NIBAN1: variants seen among roughly 807,000 people sequenced by gnomAD.
NIBAN1 encodes the protein niban apoptosis regulator 1, also known as protein Niban 1.
Under a neutral mutation model 75.1 loss-of-function variants are expected in NIBAN1, and 81 were observed. The ratio of observed to expected loss-of-function variants is 1.08; its 90% CI spans 0.90 to 1.30. The LOEUF is 1.30. NIBAN1 is among the 50% of genes most tolerant of loss of function. The pLI, the probability that NIBAN1 is intolerant of heterozygous loss-of-function variation, is 0.00. For missense variants in NIBAN1, 1,133 were observed against 1,128.1 expected (o/e 1.00, Z -0.06); for synonymous variants, 436 against 424.8 (o/e 1.03, Z -0.32).
chr1:184,806,631 C>A (rs1654205520), intron 10 of NIBAN1, among the ~76,000 whole-genome samples: 1 of 152,094 alleles, frequency 6.6e-6, no homozygotes, highest in African/African-American at 2.4e-5. Flanking sequence ...GTTCCTCGTT[C>A]CTCTTTCATC....
intron 1 of NIBAN1, among the ~76,000 whole-genome samples, chr1:184,910,404 C>CTATT (rs1480945126): frequency 6.6e-6 from 1 of 152,048 alleles, no homozygotes; most frequent in Non-Finnish European, 1.5e-5. Flanking sequence ...CAATGCTCTC[C>CTATT]TATTTTCAGA....
intron 12 of NIBAN1, among the ~76,000 whole-genome samples, chr1:184,802,012 C>T (rs2102186805): frequency 6.6e-6 from 1 of 152,266 alleles, no homozygotes; most frequent in South Asian, 2.1e-4. Context: ...GTTCCCCAGA[C>T]AATTCTAATA....
chr1:184,806,039 C>T lies in NIBAN1; in HGVS notation c.1353G>A (p.Val451=). The T allele has an allele frequency of 6.2e-7, 1 of 1,614,020 alleles. No individual in the cohort carries two copies. Among genetic ancestry groups the T allele is most frequent in the Non-Finnish European group, 8.5e-7 (1 of 1,179,956 alleles). ...GGGAAAGCAACTGCTCAAAAGTGAA[C>T]ACTGCATTCTCCATTAGCTAGAAAC... is the stretch of plus-strand genomic sequence containing the variant. ...NYMQELMENA[V]FTFEQLLSPH... The change falls in exon 11 of 14, where the codon GTG becomes GTA. Residue 451 remains valine (V), a synonymous_variant. Coordinates refer to ENST00000367511, the MANE Select transcript of NIBAN1 (RefSeq NM_052966.4).
intron 1 of NIBAN1, among the ~76,000 whole-genome samples, chr1:184,973,994 T>C (rs1380068657): frequency 6.6e-6 from 1 of 152,160 alleles, no homozygotes; most frequent in East Asian, 1.9e-4. Flanking sequence ...GGGCAGGTAC[T>C]GGAGGGCGAA....
chr1:184,961,388 C>T (rs1571607876), intron 1 of NIBAN1, among the ~76,000 whole-genome samples: 7 of 152,068 alleles, frequency 4.6e-5, no homozygotes, highest in South Asian at 4.1e-4. Context: ...TTCTTTCTAA[C>T]CAAAATATAC....
chr1:184,970,151 CAG>C (rs981817817), intron 1 of NIBAN1, among the ~76,000 whole-genome samples: 2 of 125,544 alleles, frequency 1.6e-5, no homozygotes, highest in Non-Finnish European at 3.2e-5. Context: ...GTCTGGGTGA[CAG>C]AGTGAGACCC....
chr1:184,867,917 C>T, intron 5 of NIBAN1: 8 of 985,420 alleles, frequency 8.1e-6, no homozygotes, highest in Non-Finnish European at 9.6e-6. Context: ...CTTAAAGTGT[C>T]CCGTGTCACA....
chr1:184,838,020 C>A lies in NIBAN1; in HGVS notation c.602-6058G>T, dbSNP rs147463427. Among the ~76,000 whole-genome samples the A allele has an allele frequency of 1.9e-3, 286 of 152,218 alleles. 1 individual carries two copies. Among genetic ancestry groups the A allele is most frequent in the African/African-American group, 6.6e-3 (276 of 41,548 alleles). On this transcript the variant is annotated intron_variant, in intron 5 of 13. Transcript: ENST00000367511. ...TGAATACAATAGACTAGGTATTGTC[C>A]GACTGGTGCAAATTATACCAAGTCA... is the stretch of plus-strand genomic sequence containing the variant.
intron 13 of NIBAN1, among the ~76,000 whole-genome samples, chr1:184,797,333 A>C (rs1431595847): frequency 6.6e-6 from 1 of 151,382 alleles, no homozygotes; most frequent in Non-Finnish European, 1.5e-5. Flanking sequence ...GTAGAGATGG[A>C]GTTTCACCAT....
chr1:184,873,483 C>T (rs1394344975), intron 5 of NIBAN1, among the ~76,000 whole-genome samples: 5 of 152,148 alleles, frequency 3.3e-5, no homozygotes, highest in Non-Finnish European at 5.9e-5. Flanking sequence ...GAGAAACGTG[C>T]CCTCCTGGTA....
At chr1:184,887,597 A>C (rs1656560232) in intron 4 of NIBAN1, 1 of 152,152 alleles carries the variant, frequency 6.6e-6, no homozygotes, top group African/African-American at 2.4e-5. Flanking sequence ...TGAGAATGCT[A>C]TGGTAGGAGC....
At chr1:184,937,555 G>A (rs1399147884) in intron 1 of NIBAN1, among the ~76,000 whole-genome samples, 6 of 152,218 alleles carry the variant, frequency 3.9e-5, no homozygotes, top group Non-Finnish European at 7.3e-5. Flanking sequence ...ACACTGTGCA[G>A]GTCTTTGGAG....
At chr1:184,867,931 C>T (rs527369261) in intron 5 of NIBAN1, 18 of 985,242 alleles carry the variant, frequency 1.8e-5, no homozygotes, top group East Asian at 1.1e-4. Context: ...TGTCACACAA[C>T]GGGACAGTGT....
intron 1 of NIBAN1, among the ~76,000 whole-genome samples, chr1:184,956,863 C>A (rs906071317): frequency 6.6e-6 from 1 of 152,200 alleles, no homozygotes; most frequent in East Asian, 1.9e-4. Context: ...CACCAAATCA[C>A]CCTGGATAGT....
rs1654556244 is a variant in NIBAN1, at chr1:184,816,994, T to C, written c.1173+1644A>G. ...TGCATCCATCAAGTTGTCATTTACA[T>C]TAGGTATTTCTCCTAATGCTATCCC... On this transcript the variant is annotated intron_variant, in intron 9 of 13. Transcript: ENST00000367511. Among the ~76,000 whole-genome samples, 4 of 152,180 alleles carry C rather than the reference T, an allele frequency of 2.6e-5. No homozygotes were observed. In the South Asian group the frequency reaches 8.3e-4, roughly 31 times the overall value.
chr1:184,899,411 T>C, intron 1 of NIBAN1, 102 bp from the exon 2 acceptor site: 1 of 1,213,440 alleles, frequency 8.2e-7, no homozygotes, highest in Non-Finnish European at 1.2e-6. Flanking sequence ...TTTCTATCCC[T>C]CCAGTCACCC....
At chr1:184,907,293 TA>T (rs1557909470) in intron 1 of NIBAN1, among the ~76,000 whole-genome samples, 2 of 151,992 alleles carry the variant, frequency 1.3e-5, no homozygotes, top group African/African-American at 4.8e-5. Flanking sequence ...CAGAAATAAA[TA>T]AAAATAAGTT....
intron 5 of NIBAN1, among the ~76,000 whole-genome samples, chr1:184,878,436 ATCATACATGG>A (rs1429274335): frequency 6.6e-6 from 1 of 152,372 alleles, no homozygotes; most frequent in East Asian, 1.9e-4. Context: ...ATTGCATGAA[ATCATACATGG>A]TTTGCATTTT....
intron 4 of NIBAN1, among the ~76,000 whole-genome samples, chr1:184,889,187 C>A (rs997821587): frequency 6.6e-6 from 1 of 152,160 alleles, no homozygotes; most frequent in African/African-American, 2.4e-5. Flanking sequence ...ATATATTATC[C>A]ATCATTTCTC....
Sources: gnomAD v4.1 joint callset for allele counts (sites outside exome capture counted in the v4.1 genomes callset) on GRCh38, gnomAD v4.1.1 for gene constraint, MANE v1.5 for transcripts, NCBI Gene and HGNC (gene_info 2026-07-23, HGNC 2026-07-21) for gene names.